OSBPL8: variants seen among roughly 807,000 people sequenced by gnomAD.
OSBPL8 encodes the protein oxysterol binding protein like 8, also known as oxysterol-binding protein-related protein 8.
A neutral mutation model predicts 125.5 loss-of-function variants in OSBPL8; 59 were observed. The ratio of observed to expected loss-of-function variants is 0.47; its 90% CI spans 0.38 to 0.58. The LOEUF is 0.58. Among genes scored for constraint, OSBPL8 ranks in the 20% least tolerant of loss-of-function variants. The probability of loss-of-function intolerance (pLI) is 0.00; values close to 1 mark genes in which losing one functional copy is unlikely to be tolerated. For missense variants in OSBPL8, 758 were observed against 1,047.8 expected (o/e 0.72, Z 3.82); for synonymous variants, 330 against 338.9 (o/e 0.97, Z 0.29).
chr12:76,501,344 T>C (rs1879882444), intron 1 of OSBPL8, among the ~76,000 whole-genome samples: 1 of 151,442 alleles, frequency 6.6e-6, no homozygotes, highest in Non-Finnish European at 1.5e-5. Flanking sequence ...TAAGAATGGT[T>C]TTTATGTTTT....
At chr12:76,424,185 G>C (rs770221797) in intron 4 of OSBPL8, among the ~76,000 whole-genome samples, 13 of 152,098 alleles carry the variant, frequency 8.5e-5, no homozygotes, top group African/African-American at 1.2e-4. Flanking sequence ...ATTTTTAGTA[G>C]AGATGGGGTT....
chr12:76,481,452 C>T (rs534865919), intron 2 of OSBPL8, among the ~76,000 whole-genome samples: 2 of 151,898 alleles, frequency 1.3e-5, no homozygotes, highest in South Asian at 2.1e-4. Context: ...ATAGCAAGAC[C>T]CTGCGTCTAT....
intron 1 of OSBPL8, among the ~76,000 whole-genome samples, chr12:76,552,647 T>C (rs1298771887): frequency 1.3e-5 from 2 of 152,058 alleles, no homozygotes; most frequent in East Asian, 3.9e-4. Flanking sequence ...TTTCAGACCA[T>C]GTAAGAACCA....
In OSBPL8 at chr12:76,492,561, C is replaced by T. The variant is rs1257582791; in HGVS notation, c.-67-4943G>A. Among the ~76,000 whole-genome samples the T allele has an allele frequency of 8.5e-5, 13 of 152,162 alleles. No homozygotes were observed. The East Asian group carries it at 2.3e-3, about 27-fold the overall frequency. On this transcript the variant is annotated intron_variant, in intron 1 of 23. Transcript: ENST00000261183. Reference sequence around the variant, plus strand: ...ATTTACAGCAACTCCCCATAATTTGCATTACCACCTGAGCTCCGCCTGTCA... The same window carrying T: ...ATTTACAGCAACTCCCCATAATTTGTATTACCACCTGAGCTCCGCCTGTCA...
chr12:76,558,277 G>A (rs1951169705), intron 1 of OSBPL8, among the ~76,000 whole-genome samples: 1 of 152,132 alleles, frequency 6.6e-6, no homozygotes, highest in African/African-American at 2.4e-5. Flanking sequence ...GTTCTAGCAA[G>A]CATAGAAACT....
chr12:76,410,706 T>G, intron 4 of OSBPL8, 72 bp from the exon 5 acceptor site: 1 of 1,051,252 alleles, frequency 9.5e-7, no homozygotes, highest in Non-Finnish European at 1.5e-6. Context: ...TTTTCAAGTA[T>G]AGACTATATT....
chr12:76,549,039 A>C (rs1950864482), intron 1 of OSBPL8, among the ~76,000 whole-genome samples: 1 of 152,176 alleles, frequency 6.6e-6, no homozygotes, highest in South Asian at 2.1e-4. Context: ...TGGTGGGAAA[A>C]GAAAAAGAGA....
chr12:76,529,235 C>T (rs367557567), intron 1 of OSBPL8, among the ~76,000 whole-genome samples: 2 of 152,018 alleles, frequency 1.3e-5, no homozygotes, highest in East Asian at 3.9e-4. Flanking sequence ...TTAAGGTGCA[C>T]ACTATAAGGA....
At chr12:76,547,906 A>C (rs1950824865) in intron 1 of OSBPL8, among the ~76,000 whole-genome samples, 1 of 152,212 alleles carries the variant, frequency 6.6e-6, no homozygotes, top group Non-Finnish European at 1.5e-5. Context: ...GCAAGCAAGA[A>C]TTCAGAGTTC....
At chr12:76,478,882 G>A (rs974787927) in intron 2 of OSBPL8, among the ~76,000 whole-genome samples, 2 of 152,050 alleles carry the variant, frequency 1.3e-5, no homozygotes, top group East Asian at 1.9e-4. Flanking sequence ...TCAGGAGATC[G>A]AGACCATCCT....
intron 1 of OSBPL8, among the ~76,000 whole-genome samples, chr12:76,499,940 A>G (rs1328888209): frequency 2.0e-5 from 3 of 151,992 alleles, no homozygotes; most frequent in Non-Finnish European, 4.4e-5. Flanking sequence ...TTTCTGTTCT[A>G]GTTGCCTCAA....
chr12:76,487,474 A>G, intron 2 of OSBPL8, 36 bp downstream of exon 2: 1 of 1,550,332 alleles, frequency 6.5e-7, no homozygotes, highest in Non-Finnish European at 8.7e-7. Flanking sequence ...TCACAGTTAC[A>G]GATGATAGAA....
At chr12:76,456,959 T>A (rs1205106851) in intron 3 of OSBPL8, among the ~76,000 whole-genome samples, 2 of 152,206 alleles carry the variant, frequency 1.3e-5, no homozygotes, top group African/African-American at 2.4e-5. Context: ...TGTAATGTCA[T>A]GGCCTTTGTC....
At chr12:76,402,844 T>C (rs1469497449) in intron 5 of OSBPL8, 78 bp from the exon 6 acceptor site, 16 of 949,640 alleles carry the variant, frequency 1.7e-5, no homozygotes, top group Non-Finnish European at 2.6e-5. Context: ...GTTAAAATTA[T>C]GTGACATTTT....
intron 15 of OSBPL8, among the ~76,000 whole-genome samples, chr12:76,379,448 CAG>C (rs1336825650): frequency 1.3e-5 from 2 of 152,070 alleles, no homozygotes; most frequent in East Asian, 1.9e-4. Flanking sequence ...TTGGAAATTG[CAG>C]AGTCATATAA....
chr12:76,488,377 G>A (rs1878376378), intron 1 of OSBPL8, among the ~76,000 whole-genome samples: 1 of 152,104 alleles, frequency 6.6e-6, no homozygotes, highest in African/African-American at 2.4e-5. Flanking sequence ...CCATGAATAT[G>A]TATATCTACA....
At chr12:76,467,540 C>G (rs1490065072) in intron 2 of OSBPL8, among the ~76,000 whole-genome samples, 1 of 152,134 alleles carries the variant, frequency 6.6e-6, no homozygotes, top group Non-Finnish European at 1.5e-5. Flanking sequence ...CTGATTTGCC[C>G]ATCTTTCTTT....
At chr12:76,511,494 T>C (rs149692767) in intron 1 of OSBPL8, among the ~76,000 whole-genome samples, 2 of 152,362 alleles carry the variant, frequency 1.3e-5, no homozygotes, top group East Asian at 3.9e-4. Flanking sequence ...CTGAGCTTTT[T>C]TTCATATGCT....
At chr12:76,503,218 T>A (rs978480738) in intron 1 of OSBPL8, among the ~76,000 whole-genome samples, 1 of 152,222 alleles carries the variant, frequency 6.6e-6, no homozygotes, top group Non-Finnish European at 1.5e-5. Context: ...GAACATTATT[T>A]CCTCATAGGT....
Sources: allele counts gnomAD v4.1 joint callset (sites outside exome capture counted in the v4.1 genomes callset), GRCh38; gene constraint gnomAD v4.1.1; transcripts MANE v1.5; gene names NCBI Gene and HGNC (gene_info 2026-07-23, HGNC 2026-07-21).